PRKCE: variants seen among roughly 807,000 people sequenced by gnomAD.
The protein encoded by PRKCE is protein kinase C epsilon.
PRKCE carries 16 observed loss-of-function variants against 85.4 expected under a neutral mutation model. The observed-to-expected ratio is 0.19, with a 90% confidence interval of 0.13 to 0.28. The LOEUF (loss-of-function observed/expected upper bound fraction) is 0.28. PRKCE is among the 10% of genes least tolerant of loss of function. The pLI is 1.00. For missense variants in PRKCE, 573 were observed against 975.2 expected (o/e 0.59, Z 5.49); for synonymous variants, 388 against 371.5 (o/e 1.04, Z -0.51).
chr2:45,794,576 G>T (rs955830674), intron 1 of PRKCE, among the ~76,000 whole-genome samples: 2 of 152,126 alleles, frequency 1.3e-5, no homozygotes, highest in African/African-American at 4.8e-5. Flanking sequence ...CCTGGGCAAG[G>T]CTGTGGCAAG....
intron 1 of PRKCE, among the ~76,000 whole-genome samples, chr2:45,781,849 C>G (rs1177313616): frequency 6.6e-6 from 1 of 152,122 alleles, no homozygotes; most frequent in African/African-American, 2.4e-5. Flanking sequence ...TCATCAATTT[C>G]ATTGCTAGAG....
intron 2 of PRKCE, among the ~76,000 whole-genome samples, chr2:45,910,356 G>A (rs1028182484): frequency 9.2e-5 from 14 of 152,158 alleles, no homozygotes; most frequent in African/African-American, 3.1e-4. Context: ...TCTAAAGGGT[G>A]CTAAGACAGG....
chr2:45,875,051 C>G (rs1265275935), intron 2 of PRKCE, among the ~76,000 whole-genome samples: 1 of 151,678 alleles, frequency 6.6e-6, no homozygotes, highest in East Asian at 1.9e-4. Context: ...TACACACATG[C>G]ATGCAGGACC....
intron 1 of PRKCE, among the ~76,000 whole-genome samples, chr2:45,744,467 T>C (rs1470203717): frequency 9.0e-4 from 58 of 64,542 alleles, no homozygotes; most frequent in Non-Finnish European, 1.4e-3. Flanking sequence ...CTTTCTTTCT[T>C]TCTTTCTTTC....
Position 46,138,600 on chromosome 2 carries a change from A to T in PRKCE, c.1593-6493A>T, listed in dbSNP as rs1675219008. The stretch of plus-strand genomic sequence containing the variant: ...TCTGTCTGGCTTAGTGATCCGGGCC[A>T]GGCCGTGTTAGAGCCCTGATCACTG... On this transcript the variant is annotated intron_variant, in intron 11 of 14. Transcript: ENST00000306156. The surrounding 1 kb of genome is among the most constrained non-coding windows in gnomAD (Gnocchi z 4.2). 6.6e-6 allele frequency among the ~76,000 whole-genome samples: 1 copy of T among 152,176 alleles called. No individual in the cohort carries two copies.
At chr2:46,153,778 CTTCTTTTTTTTTTTTTTT>C (rs1676886811) in intron 13 of PRKCE, among the ~76,000 whole-genome samples, 1 of 127,762 alleles carries the variant, frequency 7.8e-6, no homozygotes, top group African/African-American at 2.8e-5. Flanking sequence ...TCTTCTTCTT[CTTCTTTTTTTTTTTTTTT>C]TTTTTTTTGA....
intron 5 of PRKCE, among the ~76,000 whole-genome samples, chr2:45,984,063 G>A (rs991986472): frequency 1.5e-4 from 22 of 150,904 alleles, no homozygotes; most frequent in African/African-American, 5.4e-4. Flanking sequence ...TCAGCCTTCC[G>A]AGTAGCTGGG....
intron 2 of PRKCE, among the ~76,000 whole-genome samples, chr2:45,853,635 A>G (rs1291152177): frequency 6.6e-6 from 1 of 152,226 alleles, no homozygotes; most frequent in South Asian, 2.1e-4. Context: ...CAGTAGGGGC[A>G]TAATTTTTAC....
At chr2:45,664,043 T>A (rs1022812765) in intron 1 of PRKCE, among the ~76,000 whole-genome samples, 1 of 152,228 alleles carries the variant, frequency 6.6e-6, no homozygotes, top group Non-Finnish European at 1.5e-5. Flanking sequence ...GAACTTTGCT[T>A]GGAGCAAAGT....
At chr2:46,038,597 C>A (rs1485087082) in intron 10 of PRKCE, among the ~76,000 whole-genome samples, 2 of 150,072 alleles carry the variant, frequency 1.3e-5, no homozygotes, top group Non-Finnish European at 3.0e-5. Context: ...TTGTCATGGT[C>A]TTTGGTGTAG....
chr2:45,967,449 G>T (rs1324602567), intron 2 of PRKCE, among the ~76,000 whole-genome samples: 2 of 152,162 alleles, frequency 1.3e-5, no homozygotes, highest in African/African-American at 4.8e-5. Flanking sequence ...CCAGCAGAGG[G>T]AGAGAAGGGC....
chr2:45,802,095 A>C (rs1687912895), intron 1 of PRKCE, among the ~76,000 whole-genome samples: 1 of 151,286 alleles, frequency 6.6e-6, no homozygotes, highest in Non-Finnish European at 1.5e-5. Flanking sequence ...AAAAAAAAAA[A>C]AAAAAAAACA....
At chr2:46,100,738 G>C (rs1671129788) in intron 11 of PRKCE, among the ~76,000 whole-genome samples, 1 of 152,250 alleles carries the variant, frequency 6.6e-6, no homozygotes, top group Non-Finnish European at 1.5e-5. Context: ...TCACTCAACA[G>C]ACAACGAGTA....
At chr2:45,947,391 C>T (rs558872420) in intron 2 of PRKCE, among the ~76,000 whole-genome samples, 1 of 152,140 alleles carries the variant, frequency 6.6e-6, no homozygotes, top group Non-Finnish European at 1.5e-5. Flanking sequence ...TGAAAATGTT[C>T]TAAAATTGAC....
intron 1 of PRKCE, among the ~76,000 whole-genome samples, chr2:45,801,126 A>G (rs1573409680): frequency 6.6e-6 from 1 of 152,110 alleles, no homozygotes; most frequent in Admixed American, 6.6e-5. Flanking sequence ...GAGTGGGCCA[A>G]GTTTTCAGCA....
At chr2:45,759,812 T>C (rs1007360046) in intron 1 of PRKCE, among the ~76,000 whole-genome samples, 21 of 152,220 alleles carry the variant, frequency 1.4e-4, no homozygotes, top group African/African-American at 5.1e-4. Context: ...CATTCAGAGA[T>C]GCAGGGAGGG....
At chr2:45,669,425 A>G (rs888701052) in intron 1 of PRKCE, among the ~76,000 whole-genome samples, 4 of 152,180 alleles carry the variant, frequency 2.6e-5, no homozygotes, top group Admixed American at 2.0e-4. Flanking sequence ...CAAGTCTCTC[A>G]TGTGGCCAGC....
chr2:45,817,459 T>C (rs1056743314), intron 1 of PRKCE, among the ~76,000 whole-genome samples: 17 of 152,082 alleles, frequency 1.1e-4, no homozygotes, highest in African/African-American at 2.7e-4. Flanking sequence ...TTTGGGAGGC[T>C]GAGGAGGGCG....
Position 45,789,523 on chromosome 2 carries a change from A to T in PRKCE, c.349-53477A>T, listed in dbSNP as rs116114995. Among the ~76,000 whole-genome samples the T allele has an allele frequency of 6.0e-3, 912 of 152,274 alleles. 7 individuals are homozygous for T. The highest frequency in any genetic ancestry group is 0.021 in the African/African-American group (877 of 41,552). ...CTCCTGCCTGTGGTCCTAGCTACTC[A>T]GGAAGCTGAGGCAGGAGGATTGTTT... On this transcript the variant is annotated intron_variant, in intron 1 of 14. Coordinates refer to ENST00000306156, the MANE Select transcript of PRKCE (RefSeq NM_005400.3).
Sources: gnomAD v4.1 joint callset for allele counts (sites outside exome capture counted in the v4.1 genomes callset) on GRCh38, gnomAD v4.1.1 for gene constraint, Gnocchi (gnomAD v3.1) non-coding constraint, MANE v1.5 for transcripts, NCBI Gene and HGNC (gene_info 2026-07-23, HGNC 2026-07-21) for gene names.